Variants in ABTB3 observed in about 807,000 individuals in gnomAD.
ABTB3 encodes ankyrin repeat and BTB domain containing 3.
chr12:107,618,283 G>A, the ABTB3 span: 39 of 1,613,820 alleles, frequency 2.4e-5, no homozygotes, highest in Admixed American at 1.0e-4. Context: ...TGCGCCAGCC[G>A]CAACAGCAAG....
the ABTB3 span, among the ~76,000 whole-genome samples, chr12:107,345,182 A>G: frequency 3.9e-5 from 6 of 152,328 alleles, no homozygotes; most frequent in East Asian, 9.7e-4. Context: ...AGAGATAAAC[A>G]TGAAATATAA....
At chr12:107,427,410 T>C in the ABTB3 span, among the ~76,000 whole-genome samples, 1 of 151,748 alleles carries the variant, frequency 6.6e-6, no homozygotes, top group Non-Finnish European at 1.5e-5. Context: ...ACCTCCCGAG[T>C]AGTTGGGACA....
At chr12:107,340,431 A>C in the ABTB3 span, among the ~76,000 whole-genome samples, 1 of 152,200 alleles carries the variant, frequency 6.6e-6, no homozygotes, top group Non-Finnish European at 1.5e-5. Flanking sequence ...AATAAATAGA[A>C]TCTAGTACAA....
chr12:107,604,165 T>A, the ABTB3 span, among the ~76,000 whole-genome samples: 1 of 149,680 alleles, frequency 6.7e-6, no homozygotes, highest in African/African-American at 2.5e-5. Context: ...TGAGACTCCA[T>A]CTCAAAAAAA....
chr12:107,466,223 G>A, the ABTB3 span, among the ~76,000 whole-genome samples: 1 of 151,536 alleles, frequency 6.6e-6, no homozygotes, highest in East Asian at 2.0e-4. Context: ...GGAAAGAGTG[G>A]GTCAGTTTCC....
At chr12:107,610,322 G>C in the ABTB3 span, 3 of 1,613,988 alleles carry the variant, frequency 1.9e-6, no homozygotes, top group African/African-American at 2.7e-5. Context: ...TGTCTCTGCT[G>C]GGGCCCGATG....
the ABTB3 span, among the ~76,000 whole-genome samples, chr12:107,521,679 C>A: frequency 1.3e-5 from 2 of 150,414 alleles, no homozygotes; most frequent in South Asian, 2.1e-4. Context: ...CATGTCCCCC[C>A]ACCCCCTACC....
the ABTB3 span, among the ~76,000 whole-genome samples, chr12:107,487,213 C>T: frequency 3.3e-5 from 5 of 152,234 alleles, no homozygotes; most frequent in South Asian, 2.1e-4. Context: ...CCAGAGAAGT[C>T]GTCTGTTCAT....
chr12:107,406,863 T>TA, the ABTB3 span, among the ~76,000 whole-genome samples: 2 of 152,172 alleles, frequency 1.3e-5, no homozygotes, highest in Non-Finnish European at 2.9e-5. Context: ...CTCACTGGTG[T>TA]ATAAAGCCTA....
At chr12:107,631,866 G>A in the ABTB3 span, among the ~76,000 whole-genome samples, 2 of 152,232 alleles carry the variant, frequency 1.3e-5, no homozygotes, top group Non-Finnish European at 2.9e-5. Flanking sequence ...GGCTGAGGCA[G>A]TGTTTGTCGA....
At chr12:107,492,752 C>CA in the ABTB3 span, among the ~76,000 whole-genome samples, 2 of 151,852 alleles carry the variant, frequency 1.3e-5, no homozygotes, top group South Asian at 2.1e-4. Flanking sequence ...CCAGAAAAAA[C>CA]AAAAAAACAG....
At chr12:107,656,740 T>C in the ABTB3 span, among the ~76,000 whole-genome samples, 130 of 152,354 alleles carry the variant, frequency 8.5e-4, no homozygotes, top group African/African-American at 3.0e-3. Context: ...ACAAAGCAAG[T>C]GCCAGGTGTG....
At chr12:107,630,262 G>A in the ABTB3 span, among the ~76,000 whole-genome samples, 2 of 152,162 alleles carry the variant, frequency 1.3e-5, no homozygotes, top group African/African-American at 4.8e-5. Flanking sequence ...TTGGCATTTA[G>A]TAGACGCTCA....
the ABTB3 span, among the ~76,000 whole-genome samples, chr12:107,469,849 TTC>T: frequency 1.4e-5 from 2 of 145,848 alleles, no homozygotes; most frequent in African/African-American, 5.2e-5. Flanking sequence ...TTCTCTCTCT[TTC>T]TCTTTCTTTC....
chr12:107,494,560 C>A, the ABTB3 span, among the ~76,000 whole-genome samples: 1 of 152,182 alleles, frequency 6.6e-6, no homozygotes, highest in Admixed American at 6.5e-5. Context: ...TAAGACTTAG[C>A]CTCACAGGTG....
chr12:107,538,801 A>G, the ABTB3 span, among the ~76,000 whole-genome samples: 1 of 152,112 alleles, frequency 6.6e-6, no homozygotes, highest in Non-Finnish European at 1.5e-5. Context: ...GCAGAGGCCA[A>G]CCAAATTCCT....
chr12:107,632,985 C>G, the ABTB3 span, among the ~76,000 whole-genome samples: 369 of 152,336 alleles, frequency 2.4e-3, 1 homozygote, highest in Non-Finnish European at 3.7e-3. Context: ...TGTTCTCCCC[C>G]CTCCCGTCTG....
chr12:107,540,669 C>T, the ABTB3 span, among the ~76,000 whole-genome samples: 2 of 151,990 alleles, frequency 1.3e-5, no homozygotes, highest in Non-Finnish European at 2.9e-5. Context: ...TCCTTTATTT[C>T]GACAACTCCT....
At chr12:107,397,768 ACTT>A in the ABTB3 span, among the ~76,000 whole-genome samples, 4 of 152,088 alleles carry the variant, frequency 2.6e-5, no homozygotes, top group African/African-American at 4.8e-5. Context: ...TCCATTTGGA[ACTT>A]CTTCTTGTGT....
Sources: gnomAD v4.1 joint callset for allele counts (sites outside exome capture counted in the v4.1 genomes callset) on GRCh38, gnomAD v4.1.1 for gene constraint, MANE v1.5 for transcripts, NCBI Gene and HGNC (gene_info 2026-07-23, HGNC 2026-07-21) for gene names.